Variants in PRPSAP2 observed in about 807,000 individuals in gnomAD.
The protein encoded by PRPSAP2 is phosphoribosyl pyrophosphate synthetase associated protein 2, also known as phosphoribosyl pyrophosphate synthase-associated protein 2.
In PRPSAP2, 24 loss-of-function variants were observed where a neutral mutation model predicts 40.6. That is an observed-to-expected ratio of 0.59 (90% CI 0.43 to 0.83). The LOEUF (loss-of-function observed/expected upper bound fraction) is 0.83. Among genes scored for constraint, PRPSAP2 ranks in the 40% least tolerant of loss-of-function variants. The probability of loss-of-function intolerance (pLI) is 0.00; values close to 1 mark genes in which losing one functional copy is unlikely to be tolerated. For missense variants in PRPSAP2, 292 were observed against 465.6 expected, an observed-to-expected ratio of 0.63 and a Z score of 3.43; for synonymous variants, 149 against 164.7, an observed-to-expected ratio of 0.90 and a Z score of 0.73.
intron 9 of PRPSAP2, among the ~76,000 whole-genome samples, chr17:18,914,349 C>G (rs34493015): frequency 0.17 from 25,838 of 148,216 alleles, 2,505 homozygotes; most frequent in African/African-American, 0.24. Flanking sequence ...CCTCCACCTC[C>G]CGGGCCCAAG....
At chr17:18,871,572 T>C (rs758387597) in intron 4 of PRPSAP2, among the ~76,000 whole-genome samples, 1 of 152,160 alleles carries the variant, frequency 6.6e-6, no homozygotes, top group East Asian at 1.9e-4. Context: ...TATTTATCTT[T>C]GTTTCTCACA....
chr17:18,867,859 A>G (rs575886156), intron 4 of PRPSAP2, among the ~76,000 whole-genome samples: 76 of 152,220 alleles, frequency 5.0e-4, no homozygotes, highest in Admixed American at 1.3e-3. Context: ...TTGTAGGTCC[A>G]GGTGTGCTGG....
At chr17:18,908,634 C>T in intron 8 of PRPSAP2, 1 of 721,000 alleles carries the variant, frequency 1.4e-6, no homozygotes, top group Non-Finnish European at 2.6e-6. Context: ...GGGTCTGGAA[C>T]ACCCACGCCG....
At chr17:18,910,129 G>C (rs771628435) in intron 8 of PRPSAP2, among the ~76,000 whole-genome samples, 1 of 151,858 alleles carries the variant, frequency 6.6e-6, no homozygotes, top group Non-Finnish European at 1.5e-5. Flanking sequence ...CGTAAAATAA[G>C]ACAAAATGGC....
At chr17:18,908,869 A>G (rs371988255) in intron 8 of PRPSAP2, 9 of 577,600 alleles carry the variant, frequency 1.6e-5, no homozygotes, top group Non-Finnish European at 2.5e-5. Context: ...GCAATAAATC[A>G]TCTTATTTTA....
chr17:18,871,260 T>G (rs937341853), intron 4 of PRPSAP2, among the ~76,000 whole-genome samples: 4 of 152,118 alleles, frequency 2.6e-5, no homozygotes, highest in Non-Finnish European at 5.9e-5. Flanking sequence ...CCTCAGATTA[T>G]CCGCCTGCCT....
intron 8 of PRPSAP2, among the ~76,000 whole-genome samples, chr17:18,909,445 C>T (rs1206144348): frequency 2.6e-5 from 4 of 151,734 alleles, no homozygotes; most frequent in Admixed American, 1.3e-4. Flanking sequence ...GGGGTTTCAC[C>T]GTGTTAGCCA....
At chr17:18,889,416 C>T (rs2039396346) in intron 7 of PRPSAP2, among the ~76,000 whole-genome samples, 1 of 151,984 alleles carries the variant, frequency 6.6e-6, no homozygotes, top group Admixed American at 6.6e-5. Flanking sequence ...GTTATGACTG[C>T]GATATGTTAA....
chr17:18,872,919 T>A (rs1453737139), intron 5 of PRPSAP2, among the ~76,000 whole-genome samples: 1 of 151,102 alleles, frequency 6.6e-6, no homozygotes, highest in Non-Finnish European at 1.5e-5. Context: ...CTCAGCTCAC[T>A]GTAACCACCT....
At chr17:18,871,653 CTTT>C (rs142523345) in intron 4 of PRPSAP2, among the ~76,000 whole-genome samples, 1 of 129,856 alleles carries the variant, frequency 7.7e-6, no homozygotes, top group Non-Finnish European at 1.6e-5. Flanking sequence ...ATATAATTTT[CTTT>C]TTTTTTTTTT....
rs567118501 is a variant in PRPSAP2 at position 18,876,793 on chromosome 17, G to T, written c.240-905G>T. Among the ~76,000 whole-genome samples the T allele has an allele frequency of 4.6e-5, 7 of 151,728 alleles. No individual in the cohort carries two copies. In the East Asian group the frequency reaches 1.4e-3, roughly 29 times the overall value. ...CAGAGACTAGAGAAGGTGAGGGAGA[G>T]TCAGGTGACTAGGTGGGGAGAAAAG... is the stretch of plus-strand genomic sequence containing the variant. On this transcript the variant is annotated intron_variant, in intron 5 of 11. Coordinates refer to ENST00000268835, the MANE Select transcript of PRPSAP2 (RefSeq NM_002767.4).
At chr17:18,908,744 AAG>A in intron 8 of PRPSAP2, 2 of 727,996 alleles carry the variant, frequency 2.7e-6, no homozygotes, top group South Asian at 2.9e-5. Context: ...GAATGCAAGA[AAG>A]AGATCGGAGA....
chr17:18,911,920 C>T lies in PRPSAP2; in HGVS notation c.733+669C>T, dbSNP rs1009455053. On this transcript the variant is annotated intron_variant, in intron 9 of 11. Transcript: ENST00000268835. The surrounding 1 kb of genome is among the most constrained non-coding windows in gnomAD (Gnocchi z 4.5). ...GTGATGGGCCGGGCACGGTGGCTCA[C>T]GCCTGTAATCCCAACACTTTGGGAG... is the stretch of plus-strand genomic sequence containing the variant. 2.6e-5 allele frequency among the ~76,000 whole-genome samples: 4 copies of T among 151,578 alleles called. No individual in the cohort carries two copies. The highest frequency in any genetic ancestry group is 9.7e-5 in the African/African-American group (4 of 41,302).
chr17:18,928,995 G>T, intron 11 of PRPSAP2, 38 bp downstream of exon 11: 1 of 1,588,474 alleles, frequency 6.3e-7, no homozygotes, highest in Non-Finnish European at 8.6e-7. Flanking sequence ...CAGCTGCCTG[G>T]GCTTTTGGCA....
At chr17:18,891,848 A>G (rs1324841814) in intron 8 of PRPSAP2, among the ~76,000 whole-genome samples, 4 of 152,144 alleles carry the variant, frequency 2.6e-5, no homozygotes, top group Non-Finnish European at 5.9e-5. Flanking sequence ...GTAGTATCTC[A>G]GTGTTTTGTT....
intron 5 of PRPSAP2, among the ~76,000 whole-genome samples, chr17:18,874,257 C>G (rs1427976385): frequency 1.3e-5 from 2 of 152,158 alleles, no homozygotes; most frequent in Non-Finnish European, 2.9e-5. Context: ...ACAAATGTCC[C>G]TAAATGCTTC....
chr17:18,864,296 GT>G (rs1026997734), intron 1 of PRPSAP2, among the ~76,000 whole-genome samples: 43 of 145,360 alleles, frequency 3.0e-4, no homozygotes, highest in Middle Eastern at 3.6e-3. Context: ...CATGTTTCAG[GT>G]TTTTTTTTTT....
intron 3 of PRPSAP2, 149 bp from the exon 4 acceptor site, chr17:18,867,133 A>G (rs1245825830): frequency 1.2e-6 from 1 of 804,944 alleles, no homozygotes; most frequent in Non-Finnish European, 1.9e-6. Flanking sequence ...TAATGGATTG[A>G]TGTAACAATT....
intron 9 of PRPSAP2, among the ~76,000 whole-genome samples, chr17:18,916,201 G>C (rs1228494039): frequency 6.6e-6 from 1 of 152,016 alleles, no homozygotes; most frequent in Non-Finnish European, 1.5e-5. Flanking sequence ...TTTACGGTCT[G>C]TACATAGCAA....
Sources: allele counts gnomAD v4.1 joint callset (sites outside exome capture counted in the v4.1 genomes callset), GRCh38; gene constraint gnomAD v4.1.1; non-coding constraint Gnocchi (gnomAD v3.1); transcripts MANE v1.5; gene names NCBI Gene and HGNC (gene_info 2026-07-23, HGNC 2026-07-21).